DPP6: variants seen among roughly 807,000 people sequenced by gnomAD.
DPP6 encodes A-type potassium channel modulatory protein DPP6.
DPP6 carries 69 observed loss-of-function variants against 122.6 expected under a neutral mutation model. The ratio of observed to expected loss-of-function variants is 0.56; its 90% CI spans 0.46 to 0.69. DPP6 has a LOEUF of 0.69. DPP6 is among the 30% of genes least tolerant of loss of function. DPP6 has a pLI of 0.00. For missense variants in DPP6, 928 were observed against 1,116.9 expected (o/e 0.83, Z 2.41); for synonymous variants, 418 against 433.1 (o/e 0.97, Z 0.43).
chr7:153,918,526 CA>C (rs2129006783), intron 1 of DPP6, among the ~76,000 whole-genome samples: 2 of 61,904 alleles, frequency 3.2e-5, no homozygotes, highest in Non-Finnish European at 6.4e-5. Context: ...GTAATTAAAA[CA>C]CACACACACA....
chr7:154,504,539 T>C (rs931172888), intron 3 of DPP6, among the ~76,000 whole-genome samples: 1 of 152,176 alleles, frequency 6.6e-6, no homozygotes, highest in Non-Finnish European at 1.5e-5. Flanking sequence ...GAGATGTGAG[T>C]ACAAGAATAG....
chr7:154,505,132 C>G (rs776494243), intron 3 of DPP6, among the ~76,000 whole-genome samples: 29 of 152,308 alleles, frequency 1.9e-4, no homozygotes, highest in Non-Finnish European at 3.8e-4. Context: ...ACTTCCAACT[C>G]AGATTCCTGG....
intron 1 of DPP6, among the ~76,000 whole-genome samples, chr7:154,425,615 TGTGTGG>T (rs1222554765): frequency 0.017 from 1,815 of 106,208 alleles, 36 homozygotes; most frequent in African/African-American, 0.082. Context: ...TGTGTGTGTG[TGTGTGG>T]GTGTGTGTGT....
intron 17 of DPP6, among the ~76,000 whole-genome samples, chr7:154,864,090 G>T (rs534762682): frequency 3.3e-5 from 5 of 152,302 alleles, no homozygotes; most frequent in South Asian, 4.1e-4. Context: ...GGCAGGGGAA[G>T]TCAGGCCAAG....
chr7:154,623,649 A>ACGCG (rs1554413298), intron 5 of DPP6, among the ~76,000 whole-genome samples: 20 of 45,236 alleles, frequency 4.4e-4, no homozygotes, highest in Non-Finnish European at 5.3e-4. Flanking sequence ...ACACGCGCAC[A>ACGCG]CACGCGCACA....
At chr7:154,198,455 G>T (rs1016072644) in intron 1 of DPP6, among the ~76,000 whole-genome samples, 4 of 152,034 alleles carry the variant, frequency 2.6e-5, no homozygotes, top group Non-Finnish European at 5.9e-5. Context: ...GGAATTGCAG[G>T]TGTGTGCCAC....
intron 1 of DPP6, among the ~76,000 whole-genome samples, chr7:153,973,953 T>A (rs1796163208): frequency 1.3e-5 from 2 of 151,640 alleles, no homozygotes; most frequent in African/African-American, 2.4e-5. Flanking sequence ...TTTTAAAAGT[T>A]TTACCCGATG....
In DPP6 at chr7:154,169,484, A is replaced by G. The variant is rs192083831; in HGVS notation, c.243+116421A>G. Among the ~76,000 whole-genome samples the G allele has an allele frequency of 9.9e-4, 151 of 152,260 alleles. 1 individual carries two copies. The highest frequency in any genetic ancestry group is 3.4e-3 in the African/African-American group (143 of 41,560). On this transcript the variant is annotated intron_variant, in intron 1 of 25. Transcript: ENST00000377770. ...GTTGCAGCACCGATACATACCAGCTATGGGACTTTAGAGAGGGCATTTTCT... is the reference window on the plus strand; with the variant it reads ...GTTGCAGCACCGATACATACCAGCTGTGGGACTTTAGAGAGGGCATTTTCT...
At chr7:153,879,877 A>G in the DPP6 span, among the ~76,000 whole-genome samples, 2 of 152,164 alleles carry the variant, frequency 1.3e-5, no homozygotes, top group Admixed American at 6.5e-5. Context: ...TCATTGGAGG[A>G]AGAGTTTTAT....
At chr7:153,891,570 T>G (rs1799205558) in intron 1 of DPP6, among the ~76,000 whole-genome samples, 1 of 152,136 alleles carries the variant, frequency 6.6e-6, no homozygotes, top group African/African-American at 2.4e-5. Flanking sequence ...TTTATTGCTG[T>G]TTGGTTGATA....
intron 8 of DPP6, among the ~76,000 whole-genome samples, chr7:154,748,036 G>A (rs1186183325): frequency 6.6e-6 from 1 of 152,130 alleles, no homozygotes; most frequent in Non-Finnish European, 1.5e-5. Context: ...CATCAGTTTG[G>A]TTTGCTTACG....
intron 1 of DPP6, among the ~76,000 whole-genome samples, chr7:154,294,889 C>T (rs1038967021): frequency 2.0e-5 from 3 of 152,186 alleles, no homozygotes; most frequent in Admixed American, 1.3e-4. Flanking sequence ...GAGCAGACAG[C>T]CCCAGAAATG....
At chr7:154,191,956 T>A (rs1585593905) in intron 1 of DPP6, among the ~76,000 whole-genome samples, 1 of 152,282 alleles carries the variant, frequency 6.6e-6, no homozygotes, top group Non-Finnish European at 1.5e-5. Context: ...ACTCTATAAT[T>A]TATCGACTAA....
At chr7:154,183,843 C>A (rs1276513517) in intron 1 of DPP6, among the ~76,000 whole-genome samples, 1 of 152,218 alleles carries the variant, frequency 6.6e-6, no homozygotes, top group East Asian at 1.9e-4. Flanking sequence ...CCGGGACTGT[C>A]ACAAAAGTGA....
chr7:154,876,243 C>T (rs988085972), intron 20 of DPP6, 143 bp downstream of exon 20: 2 of 1,299,116 alleles, frequency 1.5e-6, no homozygotes, highest in Middle Eastern at 2.8e-4. Context: ...ATCTCTTGGC[C>T]ATTCCAAAGA....
chr7:154,638,875 T>C (rs1201713920), intron 6 of DPP6, among the ~76,000 whole-genome samples: 2 of 152,314 alleles, frequency 1.3e-5, no homozygotes, highest in Middle Eastern at 3.4e-3. Flanking sequence ...CCCCACCTCA[T>C]GTTTCTCTTT....
chr7:154,431,655 T>C (rs1201337884), intron 1 of DPP6, among the ~76,000 whole-genome samples: 2 of 151,248 alleles, frequency 1.3e-5, no homozygotes, highest in East Asian at 2.0e-4. Flanking sequence ...CTGCCTCAGC[T>C]TCCCGAGTAG....
chr7:154,853,709 G>GTTTTT, intron 16 of DPP6, 71 bp from the exon 17 acceptor site: 1 of 1,578,606 alleles, frequency 6.3e-7, no homozygotes, highest in South Asian at 1.2e-5. Flanking sequence ...AGAAAAGCCT[G>GTTTTT]TTTTCTTGTT....
At chr7:154,645,058 T>A (rs78618709) in intron 6 of DPP6, among the ~76,000 whole-genome samples, 2 of 147,408 alleles carry the variant, frequency 1.4e-5, no homozygotes, top group African/African-American at 2.5e-5. Flanking sequence ...TGTTTATTTG[T>A]TGGTTTTTTT....
Sources: gnomAD v4.1 joint callset for allele counts (sites outside exome capture counted in the v4.1 genomes callset) on GRCh38, gnomAD v4.1.1 for gene constraint, MANE v1.5 for transcripts, NCBI Gene and HGNC (gene_info 2026-07-23, HGNC 2026-07-21) for gene names.